PSMC1: variants seen among roughly 807,000 people sequenced by gnomAD.
The protein encoded by PSMC1 is proteasome 26S subunit, ATPase 1.
Under a neutral mutation model 49.8 loss-of-function variants are expected in PSMC1, and 5 were observed. The observed-to-expected ratio is 0.10, with a 90% CI of 0.05 to 0.21. The LOEUF (loss-of-function observed/expected upper bound fraction) is 0.21, where lower values mean the gene tolerates loss of function less well. PSMC1 is among the 10% of genes least tolerant of loss of function. The pLI, the probability that PSMC1 is intolerant of heterozygous loss-of-function variation, is 1.00. For synonymous variants in PSMC1, 155 were observed against 192.1 expected, an observed-to-expected ratio of 0.81 and a Z score of 1.60; for missense variants, 181 against 535.7, an observed-to-expected ratio of 0.34 and a Z score of 6.54.
chr14:90,265,615 G>A (rs1891491877), intron 7 of PSMC1, among the ~76,000 whole-genome samples: 1 of 151,436 alleles, frequency 6.6e-6, no homozygotes, highest in South Asian at 2.1e-4. Context: ...CATGAACCCG[G>A]GAGGCGGTGC....
At chr14:90,265,196 A>AC (rs1891480287) in intron 7 of PSMC1, 30 bp downstream of exon 7, 1 of 1,487,238 alleles carries the variant, frequency 6.7e-7, no homozygotes, top group South Asian at 1.1e-5. Context: ...CTTTCCAGGC[A>AC]CCCAGCTGGT....
Position 90,274,139 on chromosome 14 carries a change from G to C in PSMC1, c.*1732G>C, listed in dbSNP as rs944759363. The C allele has an allele frequency of 1.3e-5, 2 of 155,002 alleles. No individual in the cohort carries two copies. Among genetic ancestry groups the C allele is most frequent in the Admixed American group, 6.5e-5 (1 of 15,288 alleles). The allele number at this position is 155,002 out of a possible 1,614,324, so 9.6% of individuals were successfully genotyped here. ...GCAGGGTAAGGACGGGGTGCTTGTG[G>C]GGAGGGCGGGTGTCAGCCCAAGTAG... On this transcript the variant is annotated 3_prime_UTR_variant, in exon 11 of 11. Transcript: ENST00000261303.
chr14:90,256,935 C>T (rs900294953), intron 1 of PSMC1, among the ~76,000 whole-genome samples: 1 of 152,062 alleles, frequency 6.6e-6, no homozygotes, highest in African/African-American at 2.4e-5. Context: ...CTGGGAGTTT[C>T]GGGGGCGCCT....
chr14:90,265,234 T>C, intron 7 of PSMC1, 68 bp downstream of exon 7: 2 of 1,102,480 alleles, frequency 1.8e-6, no homozygotes, highest in Non-Finnish European at 2.7e-6. Context: ...TGGCTAGTTA[T>C]AATTACTGAA....
At chr14:90,260,038 T>C in intron 2 of PSMC1, 77 bp from the exon 3 acceptor site, 1 of 848,782 alleles carries the variant, frequency 1.2e-6, no homozygotes, top group Non-Finnish European at 1.8e-6. Context: ...AAATAGATGA[T>C]GGTGGTACAG....
intron 3 of PSMC1, among the ~76,000 whole-genome samples, chr14:90,261,076 A>C (rs1234189020): frequency 6.6e-6 from 1 of 152,138 alleles, no homozygotes; most frequent in Non-Finnish European, 1.5e-5. Context: ...AATTCATACC[A>C]AGTGACCTGA....
chr14:90,269,987 CAG>C (rs1177135022), intron 9 of PSMC1: 37 of 547,690 alleles, frequency 6.8e-5, no homozygotes, highest in South Asian at 6.4e-4. Flanking sequence ...GGTACCAAAG[CAG>C]AGAGAGTTTC....
At chr14:90,258,720 G>A (rs997960639) in intron 1 of PSMC1, among the ~76,000 whole-genome samples, 1 of 152,168 alleles carries the variant, frequency 6.6e-6, no homozygotes, top group Non-Finnish European at 1.5e-5. Context: ...GTAAATGATT[G>A]GTAAACGATT....
chr14:90,256,950 G>C (rs1204636549), intron 1 of PSMC1, among the ~76,000 whole-genome samples: 3 of 152,242 alleles, frequency 2.0e-5, no homozygotes, highest in Admixed American at 2.0e-4. Context: ...GCGCCTCCTC[G>C]AGTCACCGGG....
chr14:90,268,470 C>T, intron 8 of PSMC1, 57 bp downstream of exon 8: 1 of 1,545,268 alleles, frequency 6.5e-7, no homozygotes, highest in Non-Finnish European at 8.9e-7. Flanking sequence ...CATAGCTCTT[C>T]TCTTGAGAAT....
In PSMC1 at chr14:90,274,196, C is replaced by G. The variant is rs1313223949; in HGVS notation, c.*1789C>G. ...GAGCTGTCCATGTGGAGGAACACCACAGCACGGGGACTCAGCATGGGCAGG... is the reference window on the plus strand; with the variant it reads ...GAGCTGTCCATGTGGAGGAACACCAGAGCACGGGGACTCAGCATGGGCAGG... On this transcript the variant is annotated 3_prime_UTR_variant, in exon 11 of 11. Coordinates refer to ENST00000261303, the MANE Select transcript of PSMC1 (RefSeq NM_002802.3). 1 of 155,072 alleles carries G rather than the reference C, an allele frequency of 6.4e-6. No individual in the cohort carries two copies. Among genetic ancestry groups the G allele is most frequent in the Non-Finnish European group, 1.5e-5 (1 of 68,602 alleles). 9.6% of individuals were successfully genotyped at this position (155,072 alleles called of 1,614,324 possible). A position where few individuals can be genotyped will look rare whatever the true frequency, so the allele number is the denominator to read the frequency against.
In PSMC1 at chr14:90,263,796, T is replaced by G; in HGVS notation, c.414T>G (p.Phe138Leu). The G allele has an allele frequency of 1.9e-6, 3 of 1,614,182 alleles. No homozygotes were observed. The highest frequency in any genetic ancestry group is 2.5e-6 in the Non-Finnish European group (3 of 1,179,984). The change falls in exon 5 of 11, where the codon TTT becomes TTG. Residue 138 changes from phenylalanine to leucine, a missense_variant. Phe to Leu is a conservative substitution (Grantham distance 22). Around this residue, in one of 3 missense-constraint regions of PSMC1, gnomAD observed 121 missense variants for 358.6 expected, o/e 0.34. Coordinates refer to ENST00000261303, the MANE Select transcript of PSMC1 (RefSeq NM_002802.3). ...GSEHYVSILS[F>L]VDKDLLEPGC... Reference sequence around the variant, plus strand: ...AACACTACGTCAGCATTCTTTCATTTGTAGACAAGGATCTGCTGGAACCTG... The same window carrying G: ...AACACTACGTCAGCATTCTTTCATTGGTAGACAAGGATCTGCTGGAACCTG...
At chr14:90,266,936 T>C (rs1459007725) in intron 7 of PSMC1, among the ~76,000 whole-genome samples, 1 of 152,132 alleles carries the variant, frequency 6.6e-6, no homozygotes, top group African/African-American at 2.4e-5. Context: ...AAGTCTTCCC[T>C]GTCACACACC....
intron 7 of PSMC1, among the ~76,000 whole-genome samples, chr14:90,266,841 G>A (rs1253558103): frequency 6.6e-6 from 1 of 152,190 alleles, no homozygotes; most frequent in Non-Finnish European, 1.5e-5. Context: ...TCCAGCCTTT[G>A]CATCTGCTAC....
intron 1 of PSMC1, among the ~76,000 whole-genome samples, chr14:90,257,798 G>A (rs1411875011): frequency 6.6e-6 from 1 of 152,060 alleles, no homozygotes; most frequent in Non-Finnish European, 1.5e-5. Context: ...CACTCTGTTG[G>A]CCAGGCTGGT....
At chr14:90,257,619 A>T (rs1303742236) in intron 1 of PSMC1, among the ~76,000 whole-genome samples, 2 of 151,898 alleles carry the variant, frequency 1.3e-5, no homozygotes, top group African/African-American at 2.4e-5. Flanking sequence ...TTTAATTTTT[A>T]TTTTTTTGAG....
At chr14:90,262,786 CAAAA>C (rs553012340) in intron 3 of PSMC1, among the ~76,000 whole-genome samples, 104 of 123,830 alleles carry the variant, frequency 8.4e-4, no homozygotes, top group Non-Finnish European at 1.6e-3. Context: ...GACTCCGTCT[CAAAA>C]AAAAAAAAAG....
At chr14:90,269,743 T>G in intron 9 of PSMC1, 195 bp downstream of exon 9, 1 of 497,286 alleles carries the variant, frequency 2.0e-6, no homozygotes, top group African/African-American at 2.0e-5. Context: ...ACCTTGGCCC[T>G]TTGAATTCCA....
intron 7 of PSMC1, among the ~76,000 whole-genome samples, chr14:90,266,971 C>T (rs1376055542): frequency 6.6e-6 from 1 of 152,106 alleles, no homozygotes; most frequent in East Asian, 1.9e-4. Context: ...ACACTCCTCC[C>T]GTGCTGGCCC....
Sources: gnomAD v4.1 joint callset for allele counts (sites outside exome capture counted in the v4.1 genomes callset) on GRCh38, gnomAD v4.1.1 for gene constraint, gnomAD v4.1.1 regional missense constraint, MANE v1.5 for transcripts, NCBI Gene and HGNC (gene_info 2026-07-23, HGNC 2026-07-21) for gene names.